FAM53A: variants seen among roughly 807,000 people sequenced by gnomAD.
FAM53A encodes protein FAM53A.
FAM53A carries 28 observed loss-of-function variants against 26.6 expected under a neutral mutation model. The ratio of observed to expected loss-of-function variants is 1.05; its 90% CI spans 0.78 to 1.45. The LOEUF (loss-of-function observed/expected upper bound fraction) is 1.45, where lower values mean the gene tolerates loss of function less well. Ranked by LOEUF, FAM53A falls within the 40% of genes most tolerant of loss-of-function variation. The pLI is 0.00. For synonymous variants in FAM53A, 290 were observed against 253.1 expected, an observed-to-expected ratio of 1.15 and a Z score of -1.38; for missense variants, 650 against 575.8, an observed-to-expected ratio of 1.13 and a Z score of -1.32.
At chr4:1,623,432 C>T (rs532955166) in intron 1 of FAM53A, among the ~76,000 whole-genome samples, 6 of 152,094 alleles carry the variant, frequency 3.9e-5, no homozygotes, top group South Asian at 4.1e-4. Context: ...GGCTTGGCCA[C>T]GGTCTCAGGC....
intron 1 of FAM53A, among the ~76,000 whole-genome samples, chr4:1,682,906 G>C (rs1715553724): frequency 6.6e-6 from 1 of 152,228 alleles, no homozygotes; most frequent in Non-Finnish European, 1.5e-5. Context: ...CAAAGGGGCG[G>C]GACAATTACC....
chr4:1,655,602 C>A lies in FAM53A; in HGVS notation c.258G>T (p.Trp86Cys). ...SAAAHTMGLQ[W>C]QPQSPRPGAG... Reference sequence around the variant, plus strand: ...CGCCTGGGCGCGGGGACTGTGGCTGCCACTGAAGACCCATGGTGTGAGCGG... The same window carrying A: ...CGCCTGGGCGCGGGGACTGTGGCTGACACTGAAGACCCATGGTGTGAGCGG... The change falls in exon 4 of 5, where the codon TGG becomes TGT. Residue 86 changes from tryptophan (W) to cysteine (C), a missense_variant. Transcript: ENST00000308132. The A allele has an allele frequency of 6.3e-7, 1 of 1,589,330 alleles. No homozygotes were observed. The highest frequency in any genetic ancestry group is 2.3e-5 in the East Asian group (1 of 43,896).
intron 1 of FAM53A, among the ~76,000 whole-genome samples, chr4:1,623,557 C>T (rs913165549): frequency 3.9e-5 from 6 of 152,204 alleles, no homozygotes; most frequent in South Asian, 2.1e-4. Context: ...GCGGCCTGGC[C>T]GGCCCCTCCT....
At position 1,630,929 on chromosome 4, in the gene FAM53A, GCACT is replaced by G. The variant is rs1715586743; in HGVS notation, c.432-12822_432-12819del. On this transcript the variant is annotated intron_variant, in intron 1 of 1. Coordinates refer to the FAM53A transcript ENST00000489029. The surrounding 1 kb of genome is among the most constrained non-coding windows in gnomAD (Gnocchi z 4.3). ...ACCATGGCACGCGCCTGCAGTCCCA[GCACT>G]TTGGGAGGGTGAGGCAGGAGGACTG... 1.3e-5 allele frequency among the ~76,000 whole-genome samples: 2 copies of G among 152,236 alleles called. No individual in the cohort carries two copies. Among genetic ancestry groups the G allele is most frequent in the Non-Finnish European group, 2.9e-5 (2 of 68,036 alleles).
chr4:1,663,135 T>A (rs1298811367), intron 2 of FAM53A, among the ~76,000 whole-genome samples: 1 of 151,768 alleles, frequency 6.6e-6, no homozygotes, highest in African/African-American at 2.4e-5. Flanking sequence ...GGAGGCAGAG[T>A]GAGCCGAGAT....
At position 1,684,268 on chromosome 4, in the gene FAM53A, T is replaced by C. The variant is rs1715657564; in HGVS notation, c.-200A>G. The C allele has an allele frequency of 6.6e-6, 1 of 150,556 alleles. No homozygotes were observed. The highest frequency in any genetic ancestry group is 6.6e-5 in the Admixed American group (1 of 15,136). 9.3% of individuals were successfully genotyped at this position (150,556 alleles called of 1,614,324 possible). On this transcript the variant is annotated 5_prime_UTR_variant, in exon 1 of 5. Transcript: ENST00000308132. ...CCGCGGGGGTGCGGAGCGAGAAGAC[T>C]GCCGGCCGCCCAGGCCCCGCTCGCT...
chr4:1,656,129 T>C (rs568328771), intron 3 of FAM53A, among the ~76,000 whole-genome samples: 1 of 152,286 alleles, frequency 6.6e-6, no homozygotes, highest in South Asian at 2.1e-4. Context: ...GGGCCCCTTC[T>C]TAAAGCAGCT....
chr4:1,593,197 C>T, the FAM53A span, among the ~76,000 whole-genome samples: 3 of 152,180 alleles, frequency 2.0e-5, no homozygotes, highest in African/African-American at 4.8e-5. Flanking sequence ...CGACACCGGC[C>T]TCGCGGGTCC....
At chr4:1,660,191 G>A (rs1713723029) in intron 2 of FAM53A, among the ~76,000 whole-genome samples, 1 of 152,152 alleles carries the variant, frequency 6.6e-6, no homozygotes, top group African/African-American at 2.4e-5. Flanking sequence ...GCTGAGGCAG[G>A]GGAATCGCGT....
At chr4:1,619,925 G>A (rs1314314706) in intron 1 of FAM53A, among the ~76,000 whole-genome samples, 1 of 152,238 alleles carries the variant, frequency 6.6e-6, no homozygotes. Context: ...TAAAAAACAA[G>A]TCAGCCGGGC....
At chr4:1,605,842 C>T in the FAM53A span, among the ~76,000 whole-genome samples, 3 of 152,158 alleles carry the variant, frequency 2.0e-5, no homozygotes, top group Admixed American at 6.5e-5. The surrounding 1 kb of genome is among the most constrained non-coding windows in gnomAD (Gnocchi z 5.7). Context: ...CTCATGCTCC[C>T]GGCCCAGGCT....
At chr4:1,591,358 C>T in the FAM53A span, among the ~76,000 whole-genome samples, 1 of 152,128 alleles carries the variant, frequency 6.6e-6, no homozygotes, top group Non-Finnish European at 1.5e-5. Context: ...TCTGGACACA[C>T]TGTGGACTCT....
At chr4:1,675,400 C>G (rs894542516) in intron 1 of FAM53A, among the ~76,000 whole-genome samples, 1 of 152,180 alleles carries the variant, frequency 6.6e-6, no homozygotes, top group Non-Finnish European at 1.5e-5. Flanking sequence ...CCCAAGCCCA[C>G]GAGCACTGCC....
At chr4:1,678,478 CAG>C (rs1200896836) in intron 1 of FAM53A, among the ~76,000 whole-genome samples, 2 of 152,186 alleles carry the variant, frequency 1.3e-5, no homozygotes, top group African/African-American at 2.4e-5. Flanking sequence ...CAATAGAGAA[CAG>C]AGAGTCTTTT....
At chr4:1,658,000 C>T (rs1302596068) in intron 2 of FAM53A, among the ~76,000 whole-genome samples, 3 of 151,206 alleles carry the variant, frequency 2.0e-5, no homozygotes, top group African/African-American at 7.3e-5. Flanking sequence ...GCTGTTAACA[C>T]TAAGCAGACT....
At chr4:1,684,660 G>C (rs986919807), upstream of FAM53A, among the ~76,000 whole-genome samples, 5 of 151,988 alleles carry the variant, frequency 3.3e-5, no homozygotes, top group Non-Finnish European at 7.4e-5. Flanking sequence ...AGGAGGGCCC[G>C]GTCGGCACTA....
At chr4:1,603,305 G>A in the FAM53A span, among the ~76,000 whole-genome samples, 1 of 152,130 alleles carries the variant, frequency 6.6e-6, no homozygotes, top group African/African-American at 2.4e-5. Flanking sequence ...GGAAGAGCCA[G>A]ACCTTCAAGG....
At chr4:1,655,817 A>G in intron 3 of FAM53A, 94 bp from the exon 4 acceptor site, 1 of 1,388,338 alleles carries the variant, frequency 7.2e-7, no homozygotes, top group Non-Finnish European at 9.4e-7. Context: ...AGAGCTGTCA[A>G]GGGCACAACC....
intron 4 of FAM53A, among the ~76,000 whole-genome samples, chr4:1,642,033 C>T (rs189048026): frequency 1.3e-5 from 2 of 152,224 alleles, no homozygotes; most frequent in South Asian, 2.1e-4. Context: ...GACAACAGCC[C>T]CACCCAGGGC....
Sources: allele counts gnomAD v4.1 joint callset (sites outside exome capture counted in the v4.1 genomes callset), GRCh38; gene constraint gnomAD v4.1.1; non-coding constraint Gnocchi (gnomAD v3.1); transcripts MANE v1.5; gene names NCBI Gene and HGNC (gene_info 2026-07-23, HGNC 2026-07-21).